PPARG: variants seen among roughly 807,000 people sequenced by gnomAD.
PPARG encodes peroxisome proliferator-activated receptor gamma.
Under a neutral mutation model 39.2 loss-of-function variants are expected in PPARG, and 17 were observed. The ratio of observed to expected loss-of-function variants is 0.43; its 90% CI spans 0.30 to 0.65. The LOEUF is 0.65. Ranked by LOEUF, PPARG falls within the 30% of genes least tolerant of loss-of-function variation. PPARG has a pLI of 0.13. For synonymous variants in PPARG, 223 were observed against 215.7 expected (o/e 1.03, Z -0.30); for missense variants, 406 against 585.9 (o/e 0.69, Z 3.17).
At chr3:12,433,828 C>T in intron 7 of PPARG, 70 bp from the exon 8 acceptor site, 1 of 1,607,622 alleles carries the variant, frequency 6.2e-7, no homozygotes, top group East Asian at 2.2e-5. Flanking sequence ...GCTGCCTAGG[C>T]CTCCAAGGCG....
At chr3:12,422,875 C>T (rs1322876458) in intron 7 of PPARG, among the ~76,000 whole-genome samples, 1 of 127,200 alleles carries the variant, frequency 7.9e-6, no homozygotes, top group Admixed American at 8.1e-5. Context: ...GAGTGAGATC[C>T]TGTCTCAAAA....
At chr3:12,335,705 G>A (rs1224025820) in intron 2 of PPARG, among the ~76,000 whole-genome samples, 1 of 151,730 alleles carries the variant, frequency 6.6e-6, no homozygotes, top group African/African-American at 2.4e-5. Flanking sequence ...AACCTTCAGT[G>A]GAAAAAGAAG....
Position 12,433,812 on chromosome 3 carries a change from G to T in PPARG, c.1181-86G>T, listed in dbSNP as rs1177655561. On this transcript the variant is annotated intron_variant, in intron 7 of 7. Transcript: ENST00000651735. ...AACCAAAAATACAGATGAGTTGCTTGGTAGAGCTGCCTAGGCCTCCAAGGC... is the reference window on the plus strand; with the variant it reads ...AACCAAAAATACAGATGAGTTGCTTTGTAGAGCTGCCTAGGCCTCCAAGGC... 5 of 1,588,530 alleles carry T rather than the reference G, an allele frequency of 3.1e-6. No homozygotes were observed. In the African/African-American group the frequency reaches 5.4e-5, roughly 17 times the overall value.
intron 5 of PPARG, chr3:12,399,519 C>T: frequency 2.5e-6 from 1 of 393,530 alleles, no homozygotes; most frequent in South Asian, 1.9e-5. Context: ...CCCAGGTGTT[C>T]AAGGCTGCAG....
chr3:12,332,566 G>A (rs746418931), intron 2 of PPARG, among the ~76,000 whole-genome samples: 13 of 152,236 alleles, frequency 8.5e-5, no homozygotes, highest in Admixed American at 2.6e-4. Flanking sequence ...TGTTTAATAT[G>A]TGGATTTTTA....
At chr3:12,315,537 G>A (rs2047366562) in intron 2 of PPARG, among the ~76,000 whole-genome samples, 1 of 152,200 alleles carries the variant, frequency 6.6e-6, no homozygotes, top group African/African-American at 2.4e-5. Flanking sequence ...TCACAATGGA[G>A]TCACTAAATA....
intron 1 of PPARG, among the ~76,000 whole-genome samples, chr3:12,297,312 T>G (rs1167084515): frequency 1.3e-5 from 2 of 152,176 alleles, no homozygotes; most frequent in Non-Finnish European, 2.9e-5. Flanking sequence ...CAAAAATGTA[T>G]GTATATGAAA....
At chr3:12,424,951 C>T (rs2051386224) in intron 7 of PPARG, among the ~76,000 whole-genome samples, 1 of 152,232 alleles carries the variant, frequency 6.6e-6, no homozygotes, top group Non-Finnish European at 1.5e-5. Context: ...CTAATTTTCC[C>T]TTTTGCCCTA....
At chr3:12,385,562 G>GT (rs1156376623) in intron 4 of PPARG, among the ~76,000 whole-genome samples, 3 of 151,942 alleles carry the variant, frequency 2.0e-5, no homozygotes, top group African/African-American at 7.2e-5. Flanking sequence ...TTTTTCTTTG[G>GT]TAAGTTCCAT....
At chr3:12,307,390 C>G (rs1167709237) in intron 1 of PPARG, among the ~76,000 whole-genome samples, 1 of 152,092 alleles carries the variant, frequency 6.6e-6, no homozygotes, top group Non-Finnish European at 1.5e-5. Context: ...TCACATACTT[C>G]CACCTCTCCC....
At chr3:12,413,196 G>A (rs1005416700) in intron 6 of PPARG, among the ~76,000 whole-genome samples, 12 of 152,174 alleles carry the variant, frequency 7.9e-5, no homozygotes, top group African/African-American at 2.9e-4. Flanking sequence ...TCTCCATAAA[G>A]CAGGCTGGCC....
chr3:12,384,841 A>G (rs1361872635), intron 4 of PPARG, among the ~76,000 whole-genome samples: 1 of 152,164 alleles, frequency 6.6e-6, no homozygotes, highest in African/African-American at 2.4e-5. Flanking sequence ...TCTTGTATAT[A>G]ATAATTTCTC....
At chr3:12,287,438 A>C (rs1262747810), upstream of PPARG, 1 of 152,268 alleles carries the variant, frequency 6.6e-6, no homozygotes, top group Non-Finnish European at 1.5e-5. Context: ...AGGGACCCGA[A>C]ATATGCTTTA....
rs80221000 is a variant in PPARG at position 12,418,274 on chromosome 3, A to G, written c.1180+1120A>G. Among the ~76,000 whole-genome samples, 366 of 152,086 alleles carry G rather than the reference A, an allele frequency of 2.4e-3. 4 individuals carry two copies. In the East Asian group the frequency reaches 0.027, roughly 11 times the overall value. On this transcript the variant is annotated intron_variant, in intron 7 of 7. Transcript: ENST00000651735. The stretch of plus-strand genomic sequence containing the variant: ...ATAAGCCACCACGCACAATCTAAAC[A>G]TTACTTTCATTAGCCTCTCATGAGT...
At chr3:12,397,986 T>C (rs142082528) in intron 5 of PPARG, among the ~76,000 whole-genome samples, 1 of 152,282 alleles carries the variant, frequency 6.6e-6, no homozygotes, top group Non-Finnish European at 1.5e-5. Flanking sequence ...TGGGCCTCTG[T>C]TGATGCGTCT....
intron 2 of PPARG, chr3:12,351,761 G>T: frequency 9.3e-7 from 1 of 1,079,208 alleles, no homozygotes; most frequent in Non-Finnish European, 1.4e-6. Context: ...CTTCCAGGTT[G>T]TGTTTGTTTT....
intron 1 of PPARG, among the ~76,000 whole-genome samples, chr3:12,292,812 G>T (rs1376542447): frequency 1.3e-5 from 2 of 152,102 alleles, no homozygotes; most frequent in Non-Finnish European, 2.9e-5. Context: ...GTGTGCGTGG[G>T]CCCCGGGGGC....
At chr3:12,385,062 G>A (rs190506232) in intron 4 of PPARG, among the ~76,000 whole-genome samples, 1 of 152,270 alleles carries the variant, frequency 6.6e-6, no homozygotes, top group East Asian at 1.9e-4. Flanking sequence ...CATTAGACCA[G>A]TGGCTGTCAG....
rs77911891 is a variant in PPARG, at chr3:12,406,295, A to C, written c.729+214A>C. The stretch of plus-strand genomic sequence containing the variant: ...TTTGAAAAGGGAGAAAAGTCCATAA[A>C]GTTTTTGAGAATAGTGTAACAATGT... On this transcript the variant is annotated intron_variant, in intron 6 of 7. Coordinates refer to ENST00000651735, the MANE Select transcript of PPARG (RefSeq NM_138711.6). The C allele has an allele frequency of 2.1e-3, 1,241 of 605,176 alleles. 16 individuals are homozygous for C. The highest frequency in any genetic ancestry group is 0.019 in the African/African-American group (1,044 of 54,070). 37.5% of individuals were successfully genotyped at this position (605,176 alleles called of 1,614,324 possible). A position where few individuals can be genotyped will look rare whatever the true frequency, so the allele number is the denominator to read the frequency against.
Sources: gnomAD v4.1 joint callset for allele counts (sites outside exome capture counted in the v4.1 genomes callset) on GRCh38, gnomAD v4.1.1 for gene constraint, MANE v1.5 for transcripts, NCBI Gene and HGNC (gene_info 2026-07-23, HGNC 2026-07-21) for gene names.